The following CNIH3 variants were observed in gnomAD, a reference collection of about 807,000 sequenced individuals.
CNIH3 encodes the protein protein cornichon homolog 3.
Under a neutral mutation model 24.1 loss-of-function variants are expected in CNIH3, and 14 were observed. The observed-to-expected ratio is 0.58, with a 90% CI of 0.38 to 0.91. The LOEUF is 0.91. Ranked by LOEUF, CNIH3 falls within the 40% of genes least tolerant of loss-of-function variation. The pLI, the probability that CNIH3 is intolerant of heterozygous loss-of-function variation, is 0.00. For synonymous variants in CNIH3, 68 were observed against 73.8 expected (o/e 0.92, Z 0.40); for missense variants, 178 against 196.8 (o/e 0.90, Z 0.57).
chr1:224,575,121 C>G, intron 4 of CNIH3: 1 of 917,378 alleles, frequency 1.1e-6, no homozygotes, highest in South Asian at 1.3e-5. Flanking sequence ...GGACCCTTCC[C>G]TCCTGGAAGA....
At chr1:224,446,211 T>C (rs562146382) in intron 1 of CNIH3, among the ~76,000 whole-genome samples, 1 of 99,376 alleles carries the variant, frequency 1.0e-5, no homozygotes, top group East Asian at 3.4e-4. Flanking sequence ...ATTTCAACTT[T>C]GTTTTTTTTT....
exon 1 of CNIH3, chr1:224,434,671 T>G: frequency 2.4e-6 from 2 of 837,660 alleles, no homozygotes; most frequent in Non-Finnish European, 2.9e-6. Flanking sequence ...GCCGCTGGGC[T>G]GAGCCCCGGC....
intron 5 of CNIH3, 110 bp downstream of exon 5, chr1:224,734,816 C>A: frequency 1.8e-6 from 2 of 1,121,436 alleles, no homozygotes; most frequent in South Asian, 1.4e-5. Context: ...GGGTGGGAGT[C>A]ATGGCCATTC....
At chr1:224,504,793 C>T (rs923892163) in intron 1 of CNIH3, among the ~76,000 whole-genome samples, 1 of 152,134 alleles carries the variant, frequency 6.6e-6, no homozygotes, top group Admixed American at 6.5e-5. Flanking sequence ...GTTTTCTTAT[C>T]TGGGAAATGG....
Position 224,668,847 on chromosome 1 carries a change from T to C in CNIH3, c.82-12111T>C, listed in dbSNP as rs535587883. ...GGGTGATTACCTGGGGTAGGCTCTG[T>C]GGCCCCAGTGTGCTTCATGCGCAGG... On this transcript the variant is annotated intron_variant, in intron 1 of 5. Coordinates refer to ENST00000272133, the MANE Select transcript of CNIH3 (RefSeq NM_152495.2). Among the ~76,000 whole-genome samples, 5 of 149,976 alleles carry C rather than the reference T, an allele frequency of 3.3e-5. No individual in the cohort carries two copies. The East Asian group carries it at 9.9e-4, about 30-fold the overall frequency.
intron 3 of CNIH3, among the ~76,000 whole-genome samples, chr1:224,549,242 G>T (rs1310603386): frequency 1.3e-5 from 2 of 152,040 alleles, no homozygotes; most frequent in Non-Finnish European, 2.9e-5. Context: ...TCAGAGCAAT[G>T]ATATTTCCTT....
intron 3 of CNIH3, among the ~76,000 whole-genome samples, chr1:224,564,397 G>T (rs1572485787): frequency 6.6e-6 from 1 of 152,200 alleles, no homozygotes; most frequent in East Asian, 1.9e-4. Context: ...ATTATTTTCA[G>T]CAGGACCGTC....
At chr1:224,500,552 G>GGTCCCAGCTGCTTGGGAGGC (rs1677611951) in intron 1 of CNIH3, among the ~76,000 whole-genome samples, 3 of 152,018 alleles carry the variant, frequency 2.0e-5, no homozygotes, top group African/African-American at 7.2e-5. Context: ...ATGCATCTGT[G>GGTCCCAGCTGCTTGGGAGGC]GTCCCAGCTG....
At chr1:224,528,889 T>C (rs1678949442) in intron 2 of CNIH3, among the ~76,000 whole-genome samples, 1 of 152,202 alleles carries the variant, frequency 6.6e-6, no homozygotes, top group Non-Finnish European at 1.5e-5. Flanking sequence ...CGTGGTCATT[T>C]AGGAAGCTAA....
intron 3 of CNIH3, among the ~76,000 whole-genome samples, chr1:224,554,594 G>A (rs1161077005): frequency 1.3e-5 from 2 of 150,306 alleles, no homozygotes; most frequent in Admixed American, 1.3e-4. Context: ...TGTTGTTGTT[G>A]TTGTTTCGAG....
Position 224,703,345 on chromosome 1 carries a change from G to T in CNIH3, c.198+18502G>T, listed in dbSNP as rs1687605104. Among the ~76,000 whole-genome samples the T allele has an allele frequency of 6.6e-6, 1 of 152,076 alleles. No individual in the cohort carries two copies. The highest frequency in any genetic ancestry group is 1.5e-5 in the Non-Finnish European group (1 of 68,016). ...AACATGAAGCCTGCTTAGCAGAGGGGCTCAAACTTTGCCGCACATTAGAAT... is the reference window on the plus strand; with the variant it reads ...AACATGAAGCCTGCTTAGCAGAGGGTCTCAAACTTTGCCGCACATTAGAAT... On this transcript the variant is annotated intron_variant, in intron 3 of 5. Transcript: ENST00000272133. The surrounding 1 kb of genome is among the most constrained non-coding windows in gnomAD (Gnocchi z 4.2).
chr1:224,711,979 A>G (rs1688178857), intron 3 of CNIH3, among the ~76,000 whole-genome samples: 1 of 151,678 alleles, frequency 6.6e-6, no homozygotes, highest in South Asian at 2.1e-4. Flanking sequence ...TCAGGTCCCA[A>G]CTCCTTAGCC....
At chr1:224,568,029 A>T (rs182332712) in intron 4 of CNIH3, among the ~76,000 whole-genome samples, 2 of 151,898 alleles carry the variant, frequency 1.3e-5, no homozygotes, top group Non-Finnish European at 1.5e-5. Flanking sequence ...CGGTGGCTCA[A>T]GCCTGTAATC....
At chr1:224,511,930 CT>C (rs1413271639), upstream of CNIH3, among the ~76,000 whole-genome samples, 1 of 151,928 alleles carries the variant, frequency 6.6e-6, no homozygotes, top group African/African-American at 2.4e-5. Flanking sequence ...AATCCCAGCA[CT>C]TTGGGAGGCT....
intron 5 of CNIH3, among the ~76,000 whole-genome samples, chr1:224,586,214 A>G (rs1256730437): frequency 6.6e-6 from 1 of 152,208 alleles, no homozygotes; most frequent in African/African-American, 2.4e-5. Flanking sequence ...GCCCGTTTTC[A>G]TGCTGCTGTT....
intron 1 of CNIH3, among the ~76,000 whole-genome samples, chr1:224,636,140 G>A (rs745412909): frequency 3.9e-5 from 6 of 152,380 alleles, no homozygotes; most frequent in African/African-American, 1.4e-4. Flanking sequence ...CCCGTTGTTA[G>A]AAGTGTTGGT....
chr1:224,589,888 T>A (rs1310399124), downstream of CNIH3, among the ~76,000 whole-genome samples: 2 of 152,154 alleles, frequency 1.3e-5, no homozygotes, highest in Non-Finnish European at 1.5e-5. Flanking sequence ...ATCCACTTTT[T>A]TTTTTTGAGA....
At chr1:224,630,604 T>C (rs2125077660) in intron 1 of CNIH3, among the ~76,000 whole-genome samples, 1 of 152,228 alleles carries the variant, frequency 6.6e-6, no homozygotes, top group East Asian at 1.9e-4. Context: ...TTCTTCTTCC[T>C]CCTGGGGTAA....
At position 224,459,544 on chromosome 1, in the gene CNIH3, G is replaced by C. The variant is rs150927568; in HGVS notation, n.203+24682G>C. Among the ~76,000 whole-genome samples the C allele has an allele frequency of 2.7e-3, 414 of 152,232 alleles. 1 individual carries two copies. The highest frequency in any genetic ancestry group is 6.5e-3 in the Admixed American group (99 of 15,284). On this transcript the variant is annotated intron_variant and non_coding_transcript_variant, in intron 1 of 5. Coordinates refer to the CNIH3 transcript ENST00000471578. ...TTTCTTCTGTTAGAACTTTGTACAC[G>C]GAATAAAATAGATCTGTTTGTGCTT... is the stretch of plus-strand genomic sequence containing the variant.
Sources: gnomAD v4.1 joint callset for allele counts (sites outside exome capture counted in the v4.1 genomes callset) on GRCh38, gnomAD v4.1.1 for gene constraint, Gnocchi (gnomAD v3.1) non-coding constraint, MANE v1.5 for transcripts, NCBI Gene and HGNC (gene_info 2026-07-23, HGNC 2026-07-21) for gene names.